The following BRWD3 variants were observed in gnomAD, a reference collection of about 807,000 sequenced individuals.
The protein encoded by BRWD3 is bromodomain and WD repeat-containing protein 3.
In BRWD3, 10 loss-of-function variants were observed where a neutral mutation model predicts 149.7. That is an observed-to-expected ratio of 0.07 (90% CI 0.04 to 0.11). BRWD3 has a LOEUF of 0.11. Ranked by LOEUF, BRWD3 falls within the 10% of genes least tolerant of loss-of-function variation. The probability of loss-of-function intolerance (pLI) is 1.00; values close to 1 mark genes in which losing one functional copy is unlikely to be tolerated. For synonymous variants in BRWD3, 504 were observed against 456.7 expected, an observed-to-expected ratio of 1.10 and a Z score of -1.32; for missense variants, 940 against 1,373.2, an observed-to-expected ratio of 0.68 and a Z score of 4.99.
At chrX:80,808,465 G>T in intron 4 of BRWD3, 74 bp downstream of exon 4, 2 of 834,755 alleles carry the variant, frequency 2.4e-6, no homozygotes, top group Non-Finnish European at 1.8e-6. Context: ...AGAGGTGGGG[G>T]GCGGGTTGGG....
chrX:80,758,668 A>G (rs944692571), intron 6 of BRWD3, among the ~76,000 whole-genome samples: 6 of 110,559 alleles, frequency 5.4e-5, no homozygotes, highest in Admixed American at 3.9e-4. Context: ...AAAAGAATAT[A>G]ATATGGTGGT....
intron 6 of BRWD3, among the ~76,000 whole-genome samples, chrX:80,769,516 C>T: frequency 9.0e-6 from 1 of 111,021 alleles, no homozygotes; most frequent in East Asian, 2.8e-4. Flanking sequence ...GAAATGAAGG[C>T]AGAAAAAAAG....
Position 80,709,443 on chromosome X carries a change from T to G in BRWD3, c.2460A>C (p.Ser820=), listed in dbSNP as rs1384368967. The G allele has an allele frequency of 1.7e-6, 2 of 1,208,268 alleles. No individual in the cohort carries two copies. The highest frequency in any genetic ancestry group is 1.7e-5 in the African/African-American group (1 of 57,763). ...TATATATAACCTCTGAAGAACTGTC[T>G]GAGTCTTCCTGTACACCTGAATTTT... ...SCQNSGVQED[S]DSSSEEDETV... is the part of the protein sequence containing the mutation. Residue 820 remains serine, a synonymous_variant, in exon 21 of 41, where the codon TCA becomes TCC. Transcript: ENST00000373275.
intron 8 of BRWD3, among the ~76,000 whole-genome samples, chrX:80,742,625 T>C (rs2073531018): frequency 9.1e-6 from 1 of 110,080 alleles, no homozygotes; most frequent in Admixed American, 9.7e-5. Flanking sequence ...CCCTTGTAAG[T>C]TGGATTCCTA....
At chrX:80,782,697 G>C (rs1403538814) in intron 6 of BRWD3, among the ~76,000 whole-genome samples, 1 of 110,758 alleles carries the variant, frequency 9.0e-6, no homozygotes, top group African/African-American at 3.3e-5. Context: ...CCAGGAGTTT[G>C]AAACCAGACT....
At chrX:80,712,337 G>C (rs369387520) in intron 20 of BRWD3, among the ~76,000 whole-genome samples, 5,396 of 110,614 alleles carry the variant, frequency 0.049, 122 homozygotes, top group Non-Finnish European at 0.069. Flanking sequence ...TTTTGGTGGA[G>C]ACGGGGTTTC....
At position 80,676,814 on chromosome X, in the gene BRWD3, G is replaced by A. The variant is rs1481826833; in HGVS notation, c.5204C>T (p.Thr1735Ile). The part of the protein sequence containing the change: ...RARIADDEFD[T>I]MFSGRFSRLP... ...TCTACTGAAACGTCCTGAAAACATG[G>A]TATCAAATTCATCATCTGCAATACG... is the stretch of plus-strand genomic sequence containing the variant. The change falls in exon 41 of 41, where the codon ACC becomes ATC. Residue 1735 changes from threonine to isoleucine, a missense_variant. Coordinates refer to ENST00000373275, the MANE Select transcript of BRWD3 (RefSeq NM_153252.5). 8.3e-7 allele frequency: 1 copy of A among 1,210,964 alleles called. No individual in the cohort carries two copies. The highest frequency in any genetic ancestry group is 2.2e-5 in the Admixed American group (1 of 45,892).
At position 80,809,710 on chromosome X, in the gene BRWD3, AGTGAGT is replaced by A. The variant is rs2074390191; in HGVS notation, c.-245_-240del. ...AGAGGAGAGGGAGAGGGAGAGAGAG[AGTGAGT>A]GAGTGAGAGAGAGAGAGAGAAGAGA... On this transcript the variant is annotated 5_prime_UTR_variant, in exon 1 of 41. Transcript: ENST00000373275. The A allele has an allele frequency of 3.1e-6, 1 of 326,455 alleles. No individual in the cohort carries two copies. The highest frequency in any genetic ancestry group is 5.3e-6 in the Non-Finnish European group (1 of 188,438). The allele number at this position is 326,455 out of a possible 1,213,427, so 26.9% of individuals were successfully genotyped here.
At chrX:80,683,706 A>C (rs2072485700) in intron 37 of BRWD3, among the ~76,000 whole-genome samples, 1 of 111,707 alleles carries the variant, frequency 9.0e-6, no homozygotes, top group Admixed American at 9.6e-5. Flanking sequence ...TAATAAAAAT[A>C]TTTCACATAA....
In BRWD3 at chrX:80,703,542, G is replaced by A. The variant is rs763422245; in HGVS notation, c.2773C>T (p.Pro925Ser). The A allele has an allele frequency of 4.1e-6, 5 of 1,205,592 alleles. No individual in the cohort carries two copies. In the African/African-American group the frequency reaches 7.0e-5, roughly 17 times the overall value. Residue 925 changes from proline to serine, a missense_variant, in exon 24 of 41, where the codon CCT becomes TCT. Physicochemically the swap from Pro to Ser is moderately conservative, Grantham distance 74. Around this residue, in one of 6 missense-constraint regions of BRWD3, gnomAD observed 158 missense variants for 284.0 expected, o/e 0.56. Coordinates refer to ENST00000373275, the MANE Select transcript of BRWD3 (RefSeq NM_153252.5). Reference protein sequence around the residue: ...AGEPNEEWFAPQWILDTIPRR... With the variant: ...AGEPNEEWFASQWILDTIPRR... ...GGTATAGTATCCAAGATCCACTGAG[G>A]GGCAAACCATTCTTCATTAGGCTCA...
chrX:80,684,988 A>T (rs2147680167), intron 36 of BRWD3, among the ~76,000 whole-genome samples: 1 of 111,561 alleles, frequency 9.0e-6, no homozygotes, highest in Non-Finnish European at 1.9e-5. Flanking sequence ...GAGAGAAAAT[A>T]TTTTTCAAAG....
In BRWD3 at chrX:80,674,526, G is replaced by A. The variant is rs2072347385; in HGVS notation, c.*2083C>T. On this transcript the variant is annotated 3_prime_UTR_variant, in exon 41 of 41. Transcript: ENST00000373275. ...TAAGCCAAAGTATTATTGATTTCAG[G>A]AATACAGGCACAATTTAGTCTAAAT... 1 of 111,181 alleles carries A rather than the reference G, an allele frequency of 9.0e-6. No individual in the cohort carries two copies. The highest frequency in any genetic ancestry group is 9.6e-5 in the Admixed American group (1 of 10,465). The allele number at this position is 111,181 out of a possible 1,213,427, so 9.2% of individuals were successfully genotyped here. A position where few individuals can be genotyped will look rare whatever the true frequency, so the allele number is the denominator to read the frequency against.
rs767855271 is a variant in BRWD3 at position 80,808,633 on chromosome X, G to A, written c.121-35C>T. 4.3e-6 allele frequency: 5 copies of A among 1,174,279 alleles called. No homozygotes were observed. The South Asian group carries it at 7.1e-5, about 17-fold the overall frequency. ...GGACGAAAAGAAAGGGGGAAGCGGAGGCAAATGATGAAGGAAAAGCCTCCG... is the reference window on the plus strand; with the variant it reads ...GGACGAAAAGAAAGGGGGAAGCGGAAGCAAATGATGAAGGAAAAGCCTCCG... On this transcript the variant is annotated intron_variant, in intron 3 of 40. Transcript: ENST00000373275.
At position 80,809,718 on chromosome X, in the gene BRWD3, A is replaced by C; in HGVS notation, c.-247T>G. 3.7e-6 allele frequency: 1 copy of C among 271,457 alleles called. No individual in the cohort carries two copies. Among genetic ancestry groups the C allele is most frequent in the Non-Finnish European group, 6.5e-6 (1 of 154,008 alleles). The allele number at this position is 271,457 out of a possible 1,213,427, so 22.4% of individuals were successfully genotyped here. ...GGGAGAGGGAGAGAGAGAGTGAGTG[A>C]GTGAGAGAGAGAGAGAGAAGAGAGA... On this transcript the variant is annotated 5_prime_UTR_variant, in exon 1 of 41. Transcript: ENST00000373275.
Position 80,691,038 on chromosome X carries a change from T to G in BRWD3, c.3602+15A>C, listed in dbSNP as rs374172860. On this transcript the variant is annotated intron_variant, in intron 31 of 40. Coordinates refer to ENST00000373275, the MANE Select transcript of BRWD3 (RefSeq NM_153252.5). ...AGCTATAAATTTTATAATAAGTGAT[T>G]AAAAAAAAACAGACCTGTAAAAGCG... 190 of 1,180,670 alleles carry G rather than the reference T, an allele frequency of 1.6e-4. 1 individual carries two copies. Among genetic ancestry groups the G allele is most frequent in the Middle Eastern group, 1.4e-3 (6 of 4,266 alleles).
At chrX:80,785,132 A>G (rs1356834988) in intron 6 of BRWD3, among the ~76,000 whole-genome samples, 1 of 112,586 alleles carries the variant, frequency 8.9e-6, no homozygotes, top group Admixed American at 9.4e-5. Flanking sequence ...AAATAGTAAT[A>G]GGTGATAGTG....
chrX:80,708,556 C>T (rs2072904938), intron 21 of BRWD3, among the ~76,000 whole-genome samples: 2 of 111,462 alleles, frequency 1.8e-5, no homozygotes. Context: ...TGGCTCACGC[C>T]TGTAATCCTA....
chrX:80,719,519 G>C lies in BRWD3; in HGVS notation c.2014C>G (p.Pro672Ala). 5 of 1,208,548 alleles carry C rather than the reference G, an allele frequency of 4.1e-6. No homozygotes were observed. Among genetic ancestry groups the C allele is most frequent in the Non-Finnish European group, 5.6e-6 (5 of 893,193 alleles). The change falls in exon 18 of 41, where the codon CCA becomes GCA. Residue 672 changes from proline (P) to alanine (A), a missense_variant. Pro to Ala is a conservative substitution (Grantham distance 27). Around this residue, in one of 6 missense-constraint regions of BRWD3, gnomAD observed 209 missense variants for 396.8 expected, o/e 0.53. Transcript: ENST00000373275. ...LINEGDVPHL[P>A]VNRAYSVNGA... ...TTAACAGAGTATGCTCTATTAACTGGTAAATGTGGAACATCTCCTTCATTA... is the reference window on the plus strand; with the variant it reads ...TTAACAGAGTATGCTCTATTAACTGCTAAATGTGGAACATCTCCTTCATTA...
intron 18 of BRWD3, among the ~76,000 whole-genome samples, chrX:80,718,892 T>G (rs893813883): frequency 1.8e-5 from 2 of 111,669 alleles, no homozygotes; most frequent in African/African-American, 6.5e-5. Context: ...GCACGTTTAA[T>G]GTAAAAGATA....
Sources: gnomAD v4.1 joint callset for allele counts (sites outside exome capture counted in the v4.1 genomes callset) on GRCh38, gnomAD v4.1.1 for gene constraint, gnomAD v4.1.1 regional missense constraint, MANE v1.5 for transcripts, NCBI Gene and HGNC (gene_info 2026-07-23, HGNC 2026-07-21) for gene names.